The following GRID2 variants were observed in gnomAD, a reference collection of about 807,000 sequenced individuals.
GRID2 encodes the protein glutamate ionotropic receptor delta type subunit 2.
A neutral mutation model predicts 114.8 loss-of-function variants in GRID2; 33 were observed. That is an observed-to-expected ratio of 0.29 (90% confidence interval 0.22 to 0.38). GRID2 has a LOEUF of 0.38. Ranked by LOEUF, GRID2 falls within the 10% of genes least tolerant of loss-of-function variation. GRID2 has a pLI of 1.00. For synonymous variants in GRID2, 505 were observed against 449.9 expected (o/e 1.12, Z -1.55); for missense variants, 1,184 against 1,257.7 (o/e 0.94, Z 0.89).
At chr4:92,949,707 C>T (rs1405560213) in intron 2 of GRID2, among the ~76,000 whole-genome samples, 1 of 151,634 alleles carries the variant, frequency 6.6e-6, no homozygotes, top group Non-Finnish European at 1.5e-5. Flanking sequence ...TCAAATATCT[C>T]AGTGTAGGAA....
At chr4:93,630,106 A>G (rs898003222) in intron 14 of GRID2, among the ~76,000 whole-genome samples, 1 of 152,238 alleles carries the variant, frequency 6.6e-6, no homozygotes, top group Non-Finnish European at 1.5e-5. Context: ...TTATATAACC[A>G]TAGAAATGGC....
At chr4:93,398,130 T>TGG (rs1765527800) in intron 9 of GRID2, among the ~76,000 whole-genome samples, 1 of 131,504 alleles carries the variant, frequency 7.6e-6, no homozygotes, top group African/African-American at 3.0e-5. Flanking sequence ...TGTATGTGTG[T>TGG]GTGTATATAT....
intron 4 of GRID2, among the ~76,000 whole-genome samples, chr4:93,122,366 T>C (rs1400360527): frequency 2.0e-5 from 3 of 152,168 alleles, no homozygotes; most frequent in African/African-American, 7.2e-5. Context: ...TAATAGAAGC[T>C]TCCAATACCC....
rs936396891 is a variant in GRID2 at position 93,238,433 on chromosome 4, C to T, written c.1188C>T (p.Val396=). The T allele has an allele frequency of 2.0e-5, 32 of 1,608,232 alleles. No individual in the cohort carries two copies. The highest frequency in any genetic ancestry group is 2.7e-5 in the Non-Finnish European group (32 of 1,175,434). The change falls in exon 8 of 16, where the codon GTC becomes GTT. Residue 396 remains valine (V), a synonymous_variant. Coordinates refer to ENST00000282020, the MANE Select transcript of GRID2 (RefSeq NM_001510.4). ...GAGAAAATGGAGGCAATCCCAATGT[C>T]CACTTTGAAATCCTTGGAACCAACT... ...EFGENGGNPN[V]HFEILGTNYG...
At chr4:92,998,104 T>A (rs1755317211) in intron 2 of GRID2, among the ~76,000 whole-genome samples, 1 of 152,056 alleles carries the variant, frequency 6.6e-6, no homozygotes. Context: ...ACATTTGGGT[T>A]GACAGTTCAT....
intron 2 of GRID2, among the ~76,000 whole-genome samples, chr4:92,865,149 A>C (rs1744774131): frequency 6.6e-6 from 1 of 152,096 alleles, no homozygotes; most frequent in Non-Finnish European, 1.5e-5. Context: ...TTTGTATATA[A>C]TCCCTGGAAT....
chr4:93,549,795 C>T (rs1480663238), intron 13 of GRID2, among the ~76,000 whole-genome samples: 1 of 152,156 alleles, frequency 6.6e-6, no homozygotes, highest in Non-Finnish European at 1.5e-5. Context: ...GTTGAAACTA[C>T]AGCAGAGTTG....
At chr4:93,553,146 C>A (rs773194925) in intron 13 of GRID2, among the ~76,000 whole-genome samples, 3 of 152,064 alleles carry the variant, frequency 2.0e-5, no homozygotes, top group Non-Finnish European at 4.4e-5. Context: ...GGGTATATAC[C>A]CAGTAATGGG....
At chr4:93,341,165 A>G (rs1269492600) in intron 8 of GRID2, among the ~76,000 whole-genome samples, 3 of 152,192 alleles carry the variant, frequency 2.0e-5, no homozygotes, top group Non-Finnish European at 4.4e-5. Context: ...CATAACATAT[A>G]TAATTTAAAA....
intron 3 of GRID2, among the ~76,000 whole-genome samples, chr4:93,087,203 GT>G (rs113663095): frequency 6.8e-5 from 10 of 146,028 alleles, no homozygotes; most frequent in South Asian, 2.2e-4. Context: ...CCTAGCTATT[GT>G]TTTTTTTTTG....
intron 4 of GRID2, among the ~76,000 whole-genome samples, chr4:93,186,729 T>C (rs1036504610): frequency 2.0e-5 from 3 of 152,170 alleles, no homozygotes; most frequent in Non-Finnish European, 4.4e-5. Context: ...GAATTTAGGT[T>C]GCATATGTCA....
rs1276249095 is a variant in GRID2 at position 92,590,210 on chromosome 4, G to T, written c.168G>T (p.Glu56Asp). The T allele has an allele frequency of 6.2e-7, 1 of 1,611,666 alleles. No homozygotes were observed. Among genetic ancestry groups the T allele is most frequent in the South Asian group, 1.1e-5 (1 of 91,024 alleles). The change falls in exon 2 of 16, where the codon GAG becomes GAT. Residue 56 changes from glutamate (E) to aspartate (D), a missense_variant. Glu to Asp is a conservative substitution (Grantham distance 45). Around this residue, in one of 3 missense-constraint regions of GRID2, gnomAD observed 455 missense variants for 429.5 expected, o/e 1.06. Coordinates refer to ENST00000282020, the MANE Select transcript of GRID2 (RefSeq NM_001510.4). ...TTGGTGACCTTAACCAGAATGAGGA[G>T]ATCTTACAGACTGAGAAAATCACAT... ...TAVGDLNQNE[E>D]ILQTEKITFS...
chr4:92,612,797 G>A (rs1260714261), intron 2 of GRID2, among the ~76,000 whole-genome samples: 1 of 151,328 alleles, frequency 6.6e-6, no homozygotes, highest in South Asian at 2.1e-4. Context: ...ATGGCCATGA[G>A]GAACTCAATT....
At chr4:93,628,230 A>C (rs1419904608) in intron 14 of GRID2, among the ~76,000 whole-genome samples, 1 of 152,168 alleles carries the variant, frequency 6.6e-6, no homozygotes, top group Non-Finnish European at 1.5e-5. Context: ...TACAAAAATC[A>C]ATTATGCCAT....
chr4:93,496,871 T>C (rs1727601758), intron 12 of GRID2, among the ~76,000 whole-genome samples: 1 of 151,870 alleles, frequency 6.6e-6, no homozygotes, highest in Non-Finnish European at 1.5e-5. Flanking sequence ...ATTTTTTGTT[T>C]GTTTGTTTCT....
chr4:93,292,956 T>A (rs1753901713), intron 8 of GRID2, among the ~76,000 whole-genome samples: 1 of 152,194 alleles, frequency 6.6e-6, no homozygotes, highest in Admixed American at 6.5e-5. Flanking sequence ...TGCTATTCAG[T>A]AATGTGGCAT....
intron 8 of GRID2, among the ~76,000 whole-genome samples, chr4:93,393,202 C>A (rs999334831): frequency 6.6e-6 from 1 of 151,850 alleles, no homozygotes; most frequent in Non-Finnish European, 1.5e-5. Flanking sequence ...ACATCCACAG[C>A]TAATATTTAG....
At chr4:93,395,759 C>A in intron 9 of GRID2, 51 bp downstream of exon 9, 1 of 780,290 alleles carries the variant, frequency 1.3e-6, no homozygotes, top group Non-Finnish European at 2.3e-6. Context: ...TTACTTTATC[C>A]TATATTTCTT....
At chr4:92,493,207 T>C (rs1723235599) in intron 1 of GRID2, among the ~76,000 whole-genome samples, 1 of 151,994 alleles carries the variant, frequency 6.6e-6, no homozygotes, top group Non-Finnish European at 1.5e-5. Context: ...AAAAAAGTGG[T>C]TTTTATCCTA....
Sources: allele counts gnomAD v4.1 joint callset (sites outside exome capture counted in the v4.1 genomes callset), GRCh38; gene constraint gnomAD v4.1.1; regional missense constraint gnomAD v4.1.1; transcripts MANE v1.5; gene names NCBI Gene and HGNC (gene_info 2026-07-23, HGNC 2026-07-21).